Variants in SMAD6 observed in about 807,000 individuals in gnomAD.
SMAD6 encodes SMAD family member 6, also known as MAD homolog 6.
SMAD6 carries 103 observed loss-of-function variants against 39.4 expected under a neutral mutation model. The observed-to-expected ratio is 2.62, with a 90% CI of 2.23 to 3.08. The LOEUF is 3.08. SMAD6 is among the 30% of genes most tolerant of loss of function. SMAD6 has a pLI of 0.00. For missense variants in SMAD6, 1,104 were observed against 742.9 expected (o/e 1.49, Z -5.65); for synonymous variants, 445 against 353.3 (o/e 1.26, Z -2.91).
chr15:66,716,592 C>G, intron 3 of SMAD6, 94 bp downstream of exon 3: 2 of 921,070 alleles, frequency 2.2e-6, no homozygotes, highest in South Asian at 1.3e-5. Flanking sequence ...TTGACTTCCC[C>G]TCTTCTTTTT....
chr15:66,752,197 G>A (rs1424722398), intron 3 of SMAD6, among the ~76,000 whole-genome samples: 3 of 152,138 alleles, frequency 2.0e-5, no homozygotes, highest in Non-Finnish European at 4.4e-5. Context: ...CCAGGACTCT[G>A]GGACTCTCAT....
At chr15:66,728,663 G>A (rs1017772913) in intron 3 of SMAD6, among the ~76,000 whole-genome samples, 5 of 152,006 alleles carry the variant, frequency 3.3e-5, no homozygotes, top group African/African-American at 7.3e-5. Context: ...CCTCGGCCTC[G>A]CAAAGCGCTG....
chr15:66,755,556 T>C (rs1468788692), intron 3 of SMAD6, among the ~76,000 whole-genome samples: 1 of 152,186 alleles, frequency 6.6e-6, no homozygotes, highest in Non-Finnish European at 1.5e-5. Flanking sequence ...ATTTTAGCTA[T>C]GAAGGGAGAG....
intron 3 of SMAD6, among the ~76,000 whole-genome samples, chr15:66,737,603 C>T (rs1008748610): frequency 6.6e-6 from 1 of 152,002 alleles, no homozygotes; most frequent in South Asian, 2.1e-4. Context: ...TGGAGAGATC[C>T]CCCTTTCCCA....
chr15:66,723,083 G>A (rs1439700945), intron 3 of SMAD6, among the ~76,000 whole-genome samples: 1 of 152,148 alleles, frequency 6.6e-6, no homozygotes. Context: ...AGTAGTCAAA[G>A]AGCTAGGGCT....
At chr15:66,778,892 G>A (rs1033607599) in intron 3 of SMAD6, among the ~76,000 whole-genome samples, 2 of 152,198 alleles carry the variant, frequency 1.3e-5, no homozygotes, top group South Asian at 2.1e-4. Flanking sequence ...CATGGATGCC[G>A]TTGCCCGTCC....
intron 3 of SMAD6, among the ~76,000 whole-genome samples, chr15:66,776,155 G>A (rs1242487878): frequency 6.6e-6 from 1 of 152,244 alleles, no homozygotes; most frequent in African/African-American, 2.4e-5. Flanking sequence ...GCAGGTGCCA[G>A]GCTAGGGGCT....
intron 3 of SMAD6, among the ~76,000 whole-genome samples, chr15:66,726,672 C>T (rs912779407): frequency 6.6e-6 from 1 of 152,242 alleles, no homozygotes; most frequent in East Asian, 1.9e-4. Flanking sequence ...GGCCAGGAGG[C>T]CCAGCTCCTA....
intron 3 of SMAD6, among the ~76,000 whole-genome samples, chr15:66,761,312 A>C (rs1894194992): frequency 6.6e-6 from 1 of 152,162 alleles, no homozygotes; most frequent in Non-Finnish European, 1.5e-5. Context: ...TCTGGAAACC[A>C]AGCTCTGCTC....
At chr15:66,717,564 C>G in intron 3 of SMAD6, 1 of 421,542 alleles carries the variant, frequency 2.4e-6, no homozygotes. Context: ...TGTAGTCTCT[C>G]TGCAACTCTA....
In SMAD6 at chr15:66,781,212, G is replaced by A. The variant is rs770554597; in HGVS notation, c.1168G>A (p.Gly390Ser). Residue 390 changes from glycine to serine, a missense_variant, in exon 4 of 4, where the codon GGC (glycine) becomes AGC (serine). Transcript: ENST00000288840. Reference sequence around the variant, plus strand: ...GCGAACGCGCAGCAAGATCGGCTTCGGCATCCTGCTCAGCAAGGAGCCCGA... The same window carrying A: ...GCGAACGCGCAGCAAGATCGGCTTCAGCATCCTGCTCAGCAAGGAGCCCGA... ...VRRTRSKIGF[G>S]ILLSKEPDGV... is the part of the protein sequence containing the mutation. 4 of 1,608,412 alleles carry A rather than the reference G, an allele frequency of 2.5e-6. No homozygotes were observed. Among genetic ancestry groups the A allele is most frequent in the Non-Finnish European group, 3.4e-6 (4 of 1,179,742 alleles).
chr15:66,708,388 ACCTGAGGTAATGC>A, intron 1 of SMAD6: 1 of 193,210 alleles, frequency 5.2e-6, no homozygotes, highest in South Asian at 1.0e-4. Context: ...CACCTTGCCC[ACCTGAGGTAATGC>A]CCTGGGGCTC....
At position 66,749,156 on chromosome 15, in the gene SMAD6, C is replaced by T. The variant is rs57242463; in HGVS notation, c.953-31841C>T. On this transcript the variant is annotated intron_variant, in intron 3 of 3. Transcript: ENST00000288840. ...CCTGGGCAACATGGCAAAACCCCGT[C>T]TCTACAAAAAATACAAAAACTGGCC... is the stretch of plus-strand genomic sequence containing the variant. Among the ~76,000 whole-genome samples the T allele has an allele frequency of 4.3e-3, 661 of 152,216 alleles. 7 individuals are homozygous for T. Among genetic ancestry groups the T allele is most frequent in the African/African-American group, 0.016 (646 of 41,512 alleles).
intron 3 of SMAD6, among the ~76,000 whole-genome samples, chr15:66,742,484 G>A (rs1409692312): frequency 1.3e-5 from 2 of 152,070 alleles, no homozygotes; most frequent in African/African-American, 4.8e-5. Flanking sequence ...GTGTCTGGTG[G>A]TCTTGGCCAG....
At chr15:66,705,077 T>C (rs1893082087) in intron 1 of SMAD6, 1 of 152,346 alleles carries the variant, frequency 6.6e-6, no homozygotes, top group Admixed American at 6.5e-5. Flanking sequence ...GGGGTGGGAC[T>C]GGCAGGGAGT....
At chr15:66,744,503 G>A (rs1251746773) in intron 3 of SMAD6, among the ~76,000 whole-genome samples, 2 of 152,202 alleles carry the variant, frequency 1.3e-5, no homozygotes, top group Non-Finnish European at 2.9e-5. Flanking sequence ...ATCCACCTCC[G>A]TCTCTGGCAC....
At chr15:66,725,371 C>T (rs1893504571) in intron 3 of SMAD6, among the ~76,000 whole-genome samples, 2 of 152,166 alleles carry the variant, frequency 1.3e-5, no homozygotes, top group Admixed American at 1.3e-4. Flanking sequence ...GCTGCTCTGG[C>T]CCCAGGGAGG....
At chr15:66,770,182 C>T (rs754846774) in intron 3 of SMAD6, among the ~76,000 whole-genome samples, 4 of 152,032 alleles carry the variant, frequency 2.6e-5, no homozygotes, top group Non-Finnish European at 5.9e-5. Context: ...CATCCCTGCA[C>T]CTCTGATGCA....
At chr15:66,710,254 C>T (rs946967568) in intron 1 of SMAD6, among the ~76,000 whole-genome samples, 3 of 152,182 alleles carry the variant, frequency 2.0e-5, no homozygotes, top group African/African-American at 7.2e-5. Flanking sequence ...ATTAACTACT[C>T]TGTACCTGAG....
Sources: allele counts gnomAD v4.1 joint callset (sites outside exome capture counted in the v4.1 genomes callset), GRCh38; gene constraint gnomAD v4.1.1; transcripts MANE v1.5; gene names NCBI Gene and HGNC (gene_info 2026-07-23, HGNC 2026-07-21).